IL1RAPL2: variants seen among roughly 807,000 people sequenced by gnomAD.
IL1RAPL2 encodes X-linked interleukin-1 receptor accessory protein-like 2.
Under a neutral mutation model 44.1 loss-of-function variants are expected in IL1RAPL2, and 3 were observed. The ratio of observed to expected loss-of-function variants is 0.07; its 90% CI spans 0.03 to 0.18. The LOEUF is 0.18. IL1RAPL2 is among the 10% of genes least tolerant of loss of function. The pLI is 1.00. For missense variants in IL1RAPL2, 391 were observed against 496.4 expected (o/e 0.79, Z 2.02); for synonymous variants, 181 against 178.8 (o/e 1.01, Z -0.10).
chrX:105,368,126 C>T (rs1415693019), intron 5 of IL1RAPL2, among the ~76,000 whole-genome samples: 1 of 110,659 alleles, frequency 9.0e-6, no homozygotes, highest in African/African-American at 3.3e-5. Flanking sequence ...GGGACACATC[C>T]CTCTTAAATA....
intron 2 of IL1RAPL2, among the ~76,000 whole-genome samples, chrX:104,858,819 C>T (rs1389975424): frequency 1.8e-5 from 2 of 111,532 alleles, no homozygotes; most frequent in South Asian, 3.7e-4. Flanking sequence ...CAAGTTTTTC[C>T]CCAAAGGATC....
chrX:104,712,647 AT>A (rs975149997), intron 2 of IL1RAPL2, among the ~76,000 whole-genome samples: 1 of 110,575 alleles, frequency 9.0e-6, no homozygotes, highest in Non-Finnish European at 1.9e-5. Flanking sequence ...TAGACCAGTA[AT>A]TTTTTTTCTC....
intron 6 of IL1RAPL2, among the ~76,000 whole-genome samples, chrX:105,614,582 A>G (rs974359784): frequency 4.5e-5 from 5 of 111,536 alleles, no homozygotes; most frequent in African/African-American, 1.6e-4. Context: ...CCATGGGGAA[A>G]GGGCAGTCTC....
Position 105,720,327 on chromosome X carries a change from AC to A in IL1RAPL2, c.902+2836del, listed in dbSNP as rs1477486463. 4.7e-3 allele frequency among the ~76,000 whole-genome samples: 525 copies of A among 110,855 alleles called. 2 individuals are homozygous for A. The highest frequency in any genetic ancestry group is 7.2e-3 in the Non-Finnish European group (380 of 52,834). ...CCACAATGAAGATAACATATTAATC[AC>A]CCCCATGTTTCCTGGTGCCCCTTTG... On this transcript the variant is annotated intron_variant, in intron 7 of 10. Transcript: ENST00000372582.
In IL1RAPL2 at chrX:105,482,498, A is replaced by C. The variant is rs186844818; in HGVS notation, c.698-1815A>C. On this transcript the variant is annotated intron_variant, in intron 5 of 10. Transcript: ENST00000372582. ...TCATCTTGAATGATGTGTTGGAAAAATGAAGGCAATTAATTCACTGAAATT... is the reference window on the plus strand; with the variant it reads ...TCATCTTGAATGATGTGTTGGAAAACTGAAGGCAATTAATTCACTGAAATT... 3.6e-5 allele frequency among the ~76,000 whole-genome samples: 4 copies of C among 111,838 alleles called. No individual in the cohort carries two copies. The East Asian group carries it at 8.5e-4, about 24-fold the overall frequency.
At chrX:105,294,133 C>T (rs2034637428) in intron 5 of IL1RAPL2, among the ~76,000 whole-genome samples, 1 of 112,094 alleles carries the variant, frequency 8.9e-6, no homozygotes, top group Non-Finnish European at 1.9e-5. Context: ...TTCCAGTTTC[C>T]ATTTACTAGA....
chrX:105,357,211 C>G (rs979616551), intron 5 of IL1RAPL2, among the ~76,000 whole-genome samples: 4 of 111,286 alleles, frequency 3.6e-5, no homozygotes, highest in African/African-American at 1.3e-4. Context: ...GAAATCATCT[C>G]ATACCACCCT....
intron 2 of IL1RAPL2, among the ~76,000 whole-genome samples, chrX:105,120,200 A>G (rs1488064035): frequency 9.4e-6 from 1 of 106,805 alleles, no homozygotes; most frequent in Non-Finnish European, 1.9e-5. Flanking sequence ...CATTTAAACC[A>G]GCAAAACCTG....
intron 6 of IL1RAPL2, among the ~76,000 whole-genome samples, chrX:105,592,450 T>C (rs2037179435): frequency 8.9e-6 from 1 of 111,857 alleles, no homozygotes; most frequent in South Asian, 3.7e-4. Flanking sequence ...TTGATATGTG[T>C]GGTTTTGGTC....
intron 6 of IL1RAPL2, among the ~76,000 whole-genome samples, chrX:105,502,894 T>G (rs2036405731): frequency 9.2e-6 from 1 of 108,897 alleles, no homozygotes; most frequent in Non-Finnish European, 1.9e-5. Context: ...GCTAAGCGTA[T>G]TTTTTTTTGT....
chrX:104,972,646 C>T (rs1389334459), intron 2 of IL1RAPL2, among the ~76,000 whole-genome samples: 1 of 111,820 alleles, frequency 8.9e-6, no homozygotes, highest in Non-Finnish European at 1.9e-5. Context: ...TTCCTACCCA[C>T]ACTGGATTAG....
chrX:104,672,849 G>T (rs1387089760), intron 2 of IL1RAPL2, among the ~76,000 whole-genome samples: 1 of 111,873 alleles, frequency 8.9e-6, no homozygotes, highest in Non-Finnish European at 1.9e-5. Flanking sequence ...GATGACCAGT[G>T]ATGACGAGCA....
At chrX:104,942,435 C>T (rs1339134153) in intron 2 of IL1RAPL2, among the ~76,000 whole-genome samples, 5 of 110,589 alleles carry the variant, frequency 4.5e-5, no homozygotes, top group Non-Finnish European at 9.5e-5. Context: ...AAGTTGGATT[C>T]CTAGGTATTT....
chrX:105,589,670 C>T (rs918745419), intron 6 of IL1RAPL2, among the ~76,000 whole-genome samples: 1 of 110,577 alleles, frequency 9.0e-6, no homozygotes, highest in African/African-American at 3.3e-5. Context: ...TGAACTTTGT[C>T]AAAGATCAGA....
intron 2 of IL1RAPL2, among the ~76,000 whole-genome samples, chrX:104,909,345 G>T (rs1358880340): frequency 8.9e-6 from 1 of 111,997 alleles, no homozygotes; most frequent in Non-Finnish European, 1.9e-5. Context: ...CTCTCAGCTC[G>T]TCAAAGTCAT....
At chrX:105,538,517 A>G (rs1436189198) in intron 6 of IL1RAPL2, among the ~76,000 whole-genome samples, 3 of 112,093 alleles carry the variant, frequency 2.7e-5, no homozygotes, top group Non-Finnish European at 5.6e-5. Context: ...CTCTGCTGAA[A>G]AGAAAATTTG....
chrX:105,744,624 A>C (rs966358598), intron 8 of IL1RAPL2, among the ~76,000 whole-genome samples: 1 of 111,682 alleles, frequency 9.0e-6, no homozygotes, highest in African/African-American at 3.3e-5. Context: ...CCTTTCATTA[A>C]GTGAAAAGGG....
intron 5 of IL1RAPL2, among the ~76,000 whole-genome samples, chrX:105,275,210 CAAA>C (rs71914725): frequency 4.2e-5 from 4 of 94,192 alleles, no homozygotes; most frequent in Non-Finnish European, 8.5e-5. Context: ...GACTCCATCT[CAAA>C]AAAAAAAAGC....
chrX:105,069,842 C>T (rs1462314201), intron 2 of IL1RAPL2, among the ~76,000 whole-genome samples: 2 of 111,894 alleles, frequency 1.8e-5, no homozygotes, highest in East Asian at 2.8e-4. Flanking sequence ...ACCCTTTTGG[C>T]GAAGATCCAT....
Sources: gnomAD v4.1 joint callset for allele counts (sites outside exome capture counted in the v4.1 genomes callset) on GRCh38, gnomAD v4.1.1 for gene constraint, MANE v1.5 for transcripts, NCBI Gene and HGNC (gene_info 2026-07-23, HGNC 2026-07-21) for gene names.